GID4: variants seen among roughly 807,000 people sequenced by gnomAD.
The protein encoded by GID4 is GID complex subunit 4 homolog, also known as glucose-induced degradation protein 4 homolog.
In GID4, 7 loss-of-function variants were observed where a neutral mutation model predicts 32.4. The ratio of observed to expected loss-of-function variants is 0.22; its 90% confidence interval spans 0.12 to 0.41. The LOEUF (loss-of-function observed/expected upper bound fraction) is 0.41, where lower values mean the gene tolerates loss of function less well. GID4 is among the 10% of genes least tolerant of loss of function. GID4 has a pLI of 1.00. For synonymous variants in GID4, 166 were observed against 170.0 expected, an observed-to-expected ratio of 0.98 and a Z score of 0.18; for missense variants, 309 against 400.0, an observed-to-expected ratio of 0.77 and a Z score of 1.94.
At chr17:18,048,620 T>C (rs1422814447) in intron 2 of GID4, among the ~76,000 whole-genome samples, 3 of 152,134 alleles carry the variant, frequency 2.0e-5, no homozygotes, top group Non-Finnish European at 4.4e-5. Context: ...TCCATTTATG[T>C]TTGTTAAAAT....
intron 2 of GID4, among the ~76,000 whole-genome samples, chr17:18,049,181 C>CA (rs2044884777): frequency 6.6e-6 from 1 of 150,952 alleles, no homozygotes; most frequent in Non-Finnish European, 1.5e-5. Flanking sequence ...ACTAAAAATA[C>CA]AAAAATTAGC....
chr17:18,046,512 G>A (rs906224134), intron 2 of GID4, among the ~76,000 whole-genome samples: 3 of 152,114 alleles, frequency 2.0e-5, no homozygotes, highest in African/African-American at 7.2e-5. Flanking sequence ...GAAGACTGAG[G>A]CTGGAGTATC....
At chr17:18,052,911 T>A (rs2044926316) in intron 2 of GID4, among the ~76,000 whole-genome samples, 1 of 152,018 alleles carries the variant, frequency 6.6e-6, no homozygotes, top group Non-Finnish European at 1.5e-5. Context: ...AACGTATCCC[T>A]ATGTATCAAG....
At chr17:18,059,377 T>C (rs1330242110) in intron 4 of GID4, among the ~76,000 whole-genome samples, 1 of 152,124 alleles carries the variant, frequency 6.6e-6, no homozygotes, top group Non-Finnish European at 1.5e-5. Flanking sequence ...CCCAGATCCC[T>C]CTACAGGCTT....
At chr17:18,040,511 G>C (rs1408207569) in intron 1 of GID4, among the ~76,000 whole-genome samples, 1 of 152,126 alleles carries the variant, frequency 6.6e-6, no homozygotes, top group African/African-American at 2.4e-5. Flanking sequence ...TCAAGACCAG[G>C]CACTCACTCC....
At position 18,056,553 on chromosome 17, in the gene GID4, C is replaced by T. The variant is rs974240168; in HGVS notation, c.607-2315C>T. On this transcript the variant is annotated intron_variant, in intron 3 of 5. Transcript: ENST00000268719. Reference sequence around the variant, plus strand: ...GTTCTTCCTTGTAGTAAACCACAGCCTCTCTCCCATTCAACTCTATTTTCC... The same window carrying T: ...GTTCTTCCTTGTAGTAAACCACAGCTTCTCTCCCATTCAACTCTATTTTCC... The T allele has an allele frequency of 1.5e-5, 11 of 723,848 alleles. No individual in the cohort carries two copies. In the African/African-American group the frequency reaches 1.9e-4, roughly 13 times the overall value. 44.8% of individuals were successfully genotyped at this position (723,848 alleles called of 1,614,324 possible). A position where few individuals can be genotyped will look rare whatever the true frequency, so the allele number is the denominator to read the frequency against.
intron 1 of GID4, among the ~76,000 whole-genome samples, chr17:18,041,212 C>T (rs897137991): frequency 1.2e-4 from 19 of 152,118 alleles, no homozygotes; most frequent in Non-Finnish European, 4.4e-5. Context: ...CCCCGCCCCA[C>T]CCCCCGGGGT....
At position 18,039,453 on chromosome 17, in the gene GID4, C is replaced by G. The variant is rs1325321313; in HGVS notation, c.-12C>G. The G allele has an allele frequency of 2.9e-6, 4 of 1,380,498 alleles. No individual in the cohort carries two copies. Among genetic ancestry groups the G allele is most frequent in the South Asian group, 1.7e-5 (1 of 58,120 alleles). 85.5% of individuals were successfully genotyped at this position (1,380,498 alleles called of 1,614,324 possible). Reference sequence around the variant, plus strand: ...TTGTGTGTTGTGTGTCTGTGAGTGTCTGTGTGTGTGTATGTGTGCGCGAGG... The same window carrying G: ...TTGTGTGTTGTGTGTCTGTGAGTGTGTGTGTGTGTGTATGTGTGCGCGAGG... On this transcript the variant is annotated 5_prime_UTR_variant, in exon 1 of 6. Transcript: ENST00000268719. This position sits in a 1 kb window ranked among gnomAD's most constrained non-coding sequence, Gnocchi z 5.3.
At chr17:18,041,262 T>C (rs1007362330) in intron 1 of GID4, among the ~76,000 whole-genome samples, 11 of 152,060 alleles carry the variant, frequency 7.2e-5, no homozygotes, top group African/African-American at 2.4e-4. Context: ...CCTCAAGCTC[T>C]CCTTTTGGTC....
chr17:18,062,332 G>T (rs2045024173), intron 5 of GID4: 1 of 216,402 alleles, frequency 4.6e-6, no homozygotes, highest in African/African-American at 2.3e-5. Context: ...TGGACAATGT[G>T]AATTTTGCTG....
chr17:18,051,212 C>T (rs2044906216), intron 2 of GID4, among the ~76,000 whole-genome samples: 1 of 152,024 alleles, frequency 6.6e-6, no homozygotes, highest in Non-Finnish European at 1.5e-5. Context: ...TACTATGTTG[C>T]CCAAGCTGAT....
chr17:18,047,382 A>C (rs1016150043), intron 2 of GID4, among the ~76,000 whole-genome samples: 5 of 152,242 alleles, frequency 3.3e-5, no homozygotes, highest in African/African-American at 4.8e-5. Flanking sequence ...AGGCATTGGA[A>C]TGTTAACGCT....
chr17:18,060,258 TGTA>T (rs766967645), intron 4 of GID4, among the ~76,000 whole-genome samples: 2 of 150,368 alleles, frequency 1.3e-5, no homozygotes, highest in Non-Finnish European at 3.0e-5. Context: ...ATTAGCCAGG[TGTA>T]GTGGTGCACG....
intron 3 of GID4, chr17:18,056,807 G>A (rs2044971788): frequency 6.4e-7 from 1 of 1,550,520 alleles, no homozygotes; most frequent in Admixed American, 2.0e-5. Flanking sequence ...CATGTGAGGT[G>A]TGGTTGAGCC....
At chr17:18,043,088 G>A (rs1337098680) in intron 1 of GID4, among the ~76,000 whole-genome samples, 1 of 152,156 alleles carries the variant, frequency 6.6e-6, no homozygotes, top group Admixed American at 6.5e-5. Flanking sequence ...CCTGGTCGCT[G>A]TGAAAGGAAT....
At chr17:18,046,135 G>A (rs1037620270) in intron 2 of GID4, among the ~76,000 whole-genome samples, 9 of 152,186 alleles carry the variant, frequency 5.9e-5, no homozygotes, top group African/African-American at 1.9e-4. Flanking sequence ...TAGCTGCAGG[G>A]GGCCTCTGGC....
In GID4 at chr17:18,067,583, CCT is replaced by C. The variant is rs2045078073; in HGVS notation, c.*2343_*2344del. On this transcript the variant is annotated 3_prime_UTR_variant, in exon 6 of 6. Coordinates refer to ENST00000268719, the MANE Select transcript of GID4 (RefSeq NM_024052.5). The stretch of plus-strand genomic sequence containing the variant: ...GAAAGGATTAAGGATTTTTCCACCT[CCT>C]CTTAGTAACTCCTGAATTACCAACA... 6.6e-6 allele frequency: 1 copy of C among 152,588 alleles called. No homozygotes were observed. Among genetic ancestry groups the C allele is most frequent in the Non-Finnish European group, 1.5e-5 (1 of 68,032 alleles). 9.5% of individuals were successfully genotyped at this position (152,588 alleles called of 1,614,324 possible).
At chr17:18,064,751 C>T (rs1275831015) in intron 5 of GID4, among the ~76,000 whole-genome samples, 1 of 152,116 alleles carries the variant, frequency 6.6e-6, no homozygotes, top group Non-Finnish European at 1.5e-5. Flanking sequence ...TCTACGCTCT[C>T]TTTAGATACC....
chr17:18,039,590 C>CG lies in GID4; in HGVS notation c.126_127insG (p.Ser43ValfsTer120). The CG allele has an allele frequency of 7.7e-7, 1 of 1,297,306 alleles. No homozygotes were observed. Among genetic ancestry groups the CG allele is most frequent in the Non-Finnish European group, 9.7e-7 (1 of 1,026,322 alleles). 80.4% of individuals were successfully genotyped at this position (1,297,306 alleles called of 1,614,324 possible). ...GCAGGCAGCGGGCGGGTGGTCGCCCCTCCCGCCCCCACCCCGCGCGTGCGC... is the reference window on the plus strand; with the variant it reads ...GCAGGCAGCGGGCGGGTGGTCGCCCCGTCCCGCCCCCACCCCGCGCGTGCGC... On this transcript the variant is annotated frameshift_variant, in exon 1 of 6. Transcript: ENST00000268719. LOFTEE classifies it high-confidence loss of function. This position sits in a 1 kb window ranked among gnomAD's most constrained non-coding sequence, Gnocchi z 5.3.
Sources: allele counts gnomAD v4.1 joint callset (sites outside exome capture counted in the v4.1 genomes callset), GRCh38; gene constraint gnomAD v4.1.1; non-coding constraint Gnocchi (gnomAD v3.1); transcripts MANE v1.5; gene names NCBI Gene and HGNC (gene_info 2026-07-23, HGNC 2026-07-21).